The following MACROD2 variants were observed in gnomAD, a reference collection of about 807,000 sequenced individuals.
MACROD2 encodes the protein ADP-ribose glycohydrolase MACROD2.
MACROD2 carries 36 observed loss-of-function variants against 70.4 expected under a neutral mutation model. The ratio of observed to expected loss-of-function variants is 0.51; its 90% CI spans 0.39 to 0.68. The LOEUF is 0.68. MACROD2 is among the 30% of genes least tolerant of loss of function. The probability of loss-of-function intolerance (pLI) is 0.00; values close to 1 mark genes in which losing one functional copy is unlikely to be tolerated. For synonymous variants in MACROD2, 172 were observed against 178.8 expected (o/e 0.96, Z 0.30); for missense variants, 496 against 538.4 (o/e 0.92, Z 0.78).
chr20:16,025,577 C>T (rs1438434223), intron 15 of MACROD2, among the ~76,000 whole-genome samples: 1 of 151,124 alleles, frequency 6.6e-6, no homozygotes, highest in East Asian at 2.0e-4. Context: ...CTGAGTGGAG[C>T]TGGTGCTTTG....
intron 8 of MACROD2, among the ~76,000 whole-genome samples, chr20:15,621,988 A>G (rs2049132240): frequency 6.6e-6 from 1 of 152,166 alleles, no homozygotes; most frequent in Non-Finnish European, 1.5e-5. Flanking sequence ...ATAGATGCGC[A>G]CTAACTGTGG....
intron 6 of MACROD2, among the ~76,000 whole-genome samples, chr20:15,424,546 C>T (rs1047089119): frequency 6.4e-4 from 98 of 152,102 alleles, no homozygotes; most frequent in African/African-American, 2.3e-3. Context: ...AGTGAGACCT[C>T]GTCTCTACAA....
At chr20:15,758,043 C>T (rs772837069) in intron 8 of MACROD2, among the ~76,000 whole-genome samples, 10 of 151,970 alleles carry the variant, frequency 6.6e-5, no homozygotes, top group Admixed American at 1.3e-4. Flanking sequence ...TTTTTATAAG[C>T]GATTCCAAAA....
chr20:15,499,460 A>G (rs752993324), intron 7 of MACROD2, among the ~76,000 whole-genome samples: 7 of 152,184 alleles, frequency 4.6e-5, no homozygotes, highest in Non-Finnish European at 1.0e-4. Context: ...CAAGAAAATA[A>G]TATGAAAGTA....
chr20:15,121,339 C>T (rs2076028597), intron 5 of MACROD2, among the ~76,000 whole-genome samples: 1 of 151,940 alleles, frequency 6.6e-6, no homozygotes, highest in Admixed American at 6.6e-5. Flanking sequence ...CGGTGAAACC[C>T]TGTCGCTACA....
chr20:14,249,819 A>G lies in MACROD2; in HGVS notation c.271+164091A>G, dbSNP rs149600934. 2.8e-3 allele frequency among the ~76,000 whole-genome samples: 433 copies of G among 152,298 alleles called. 2 individuals are homozygous for G. The highest frequency in any genetic ancestry group is 1.0e-2 in the African/African-American group (414 of 41,564). On this transcript the variant is annotated intron_variant, in intron 3 of 17. Coordinates refer to ENST00000684519, the MANE Select transcript of MACROD2 (RefSeq NM_001351661.2). ...CATACAATATACTACGACAGAAAAT[A>G]TAAGGTGGCACGTTGTATATAATAC...
At chr20:14,672,622 C>T (rs1266266151) in intron 4 of MACROD2, among the ~76,000 whole-genome samples, 2 of 152,186 alleles carry the variant, frequency 1.3e-5, no homozygotes, top group African/African-American at 4.8e-5. Flanking sequence ...GAGCTAAGCA[C>T]TGTACATGTT....
intron 5 of MACROD2, among the ~76,000 whole-genome samples, chr20:14,991,310 A>T (rs866892081): frequency 7.9e-5 from 12 of 152,028 alleles, no homozygotes; most frequent in African/African-American, 2.9e-4. Flanking sequence ...TTTTTTTTTT[A>T]AAGAATTGAC....
chr20:14,837,455 A>G (rs1191280557), intron 5 of MACROD2, among the ~76,000 whole-genome samples: 1 of 152,152 alleles, frequency 6.6e-6, no homozygotes, highest in Non-Finnish European at 1.5e-5. Context: ...TATTTAACCA[A>G]TTGGAGTATG....
chr20:14,679,740 C>CT (rs11431643), intron 4 of MACROD2, among the ~76,000 whole-genome samples: 79,420 of 151,758 alleles, frequency 0.52, 22,241 homozygotes, highest in African/African-American at 0.73. Context: ...CTCCCACACG[C>CT]TTTTTTTCAA....
chr20:15,368,341 A>T (rs879298548), intron 6 of MACROD2, among the ~76,000 whole-genome samples: 4 of 152,176 alleles, frequency 2.6e-5, no homozygotes, highest in Non-Finnish European at 5.9e-5. Flanking sequence ...ATCTTAAAAA[A>T]GTTTCTGAGA....
At chr20:15,808,566 G>A (rs1371155062) in intron 8 of MACROD2, among the ~76,000 whole-genome samples, 2 of 151,958 alleles carry the variant, frequency 1.3e-5, no homozygotes, top group African/African-American at 4.8e-5. Flanking sequence ...ATAAAAGTAT[G>A]TTCTATTATT....
intron 5 of MACROD2, among the ~76,000 whole-genome samples, chr20:14,925,825 G>C (rs147522562): frequency 1.3e-3 from 194 of 152,200 alleles, no homozygotes; most frequent in African/African-American, 4.5e-3. Context: ...AAGATTTCTT[G>C]GTGCGTTTCA....
chr20:14,185,326 T>C (rs1158248160), intron 3 of MACROD2, among the ~76,000 whole-genome samples: 1 of 152,130 alleles, frequency 6.6e-6, no homozygotes, highest in Admixed American at 6.6e-5. Context: ...AAAATGCCCT[T>C]CTTTCATGTT....
intron 8 of MACROD2, among the ~76,000 whole-genome samples, chr20:15,521,024 A>G (rs56249914): frequency 0.037 from 5,700 of 152,312 alleles, 131 homozygotes; most frequent in South Asian, 0.11. Context: ...GGGAAGGGAC[A>G]GCAAGAACAA....
chr20:15,121,881 G>A (rs1471496772), intron 5 of MACROD2, among the ~76,000 whole-genome samples: 2 of 152,222 alleles, frequency 1.3e-5, no homozygotes, highest in East Asian at 3.9e-4. Flanking sequence ...AGGTTAGGAT[G>A]TTGCTACATC....
chr20:15,840,952 T>C (rs2064163720), intron 8 of MACROD2, among the ~76,000 whole-genome samples: 1 of 152,226 alleles, frequency 6.6e-6, no homozygotes, highest in South Asian at 2.1e-4. Context: ...GAAAACCTTC[T>C]GAAGGCTGTT....
chr20:14,014,727 TTC>T (rs1464186883), intron 2 of MACROD2, among the ~76,000 whole-genome samples: 4 of 152,194 alleles, frequency 2.6e-5, no homozygotes, highest in African/African-American at 4.8e-5. Context: ...TCATTTAATT[TTC>T]TCTGTTTCCT....
chr20:15,755,914 C>G (rs1220588834), intron 8 of MACROD2, among the ~76,000 whole-genome samples: 1 of 152,100 alleles, frequency 6.6e-6, no homozygotes, highest in Non-Finnish European at 1.5e-5. Context: ...TATTAGGTAC[C>G]AGGAAAAAAT....
Sources: gnomAD v4.1 joint callset for allele counts (sites outside exome capture counted in the v4.1 genomes callset) on GRCh38, gnomAD v4.1.1 for gene constraint, MANE v1.5 for transcripts, NCBI Gene and HGNC (gene_info 2026-07-23, HGNC 2026-07-21) for gene names.